Variants in EEPD1 observed in about 807,000 individuals in gnomAD.
EEPD1 encodes endonuclease/exonuclease/phosphatase family domain-containing protein 1.
In EEPD1, 17 loss-of-function variants were observed where a neutral mutation model predicts 46.3. That is an observed-to-expected ratio of 0.37 (90% CI 0.25 to 0.55). The LOEUF (loss-of-function observed/expected upper bound fraction) is 0.55. EEPD1 is among the 20% of genes least tolerant of loss of function. The pLI is 0.83. For missense variants in EEPD1, 673 were observed against 745.6 expected (o/e 0.90, Z 1.13); for synonymous variants, 313 against 315.6 (o/e 0.99, Z 0.09).
rs541906704 is a variant in EEPD1, at chr7:36,206,041, C to T, written c.879-32944C>T. Reference sequence around the variant, plus strand: ...TTCAGGCCCCAGATGACATGTAGGCCACTGCCCCATGCCAGCCAGACTGCC... The same window carrying T: ...TTCAGGCCCCAGATGACATGTAGGCTACTGCCCCATGCCAGCCAGACTGCC... On this transcript the variant is annotated intron_variant, in intron 2 of 7. Transcript: ENST00000242108. 1.6e-4 allele frequency among the ~76,000 whole-genome samples: 24 copies of T among 152,314 alleles called. No individual in the cohort carries two copies. In the South Asian group the frequency reaches 4.6e-3, roughly 29 times the overall value.
At chr7:36,249,323 A>G (rs1786694604) in intron 3 of EEPD1, among the ~76,000 whole-genome samples, 1 of 152,180 alleles carries the variant, frequency 6.6e-6, no homozygotes, top group Non-Finnish European at 1.5e-5. Context: ...AGGGCAGGTG[A>G]CATGGTGCTG....
At chr7:36,215,599 A>G (rs529734141) in intron 2 of EEPD1, among the ~76,000 whole-genome samples, 1 of 152,346 alleles carries the variant, frequency 6.6e-6, no homozygotes, top group East Asian at 1.9e-4. Flanking sequence ...AGGGATGCCC[A>G]CTTGCATTCT....
intron 2 of EEPD1, 68 bp downstream of exon 2, chr7:36,155,270 C>G (rs996172553): frequency 6.9e-7 from 1 of 1,453,462 alleles, no homozygotes; most frequent in African/African-American, 1.4e-5. Flanking sequence ...TCTATGGATG[C>G]AAATGAATGG....
intron 2 of EEPD1, among the ~76,000 whole-genome samples, chr7:36,218,874 A>C (rs1583815607): frequency 6.6e-6 from 1 of 152,254 alleles, no homozygotes; most frequent in South Asian, 2.1e-4. Context: ...GGCTGGTGGG[A>C]AGGAGAATGG....
intron 3 of EEPD1, among the ~76,000 whole-genome samples, chr7:36,257,517 G>A (rs944863112): frequency 5.3e-5 from 8 of 151,906 alleles, no homozygotes; most frequent in South Asian, 2.1e-4. Context: ...GGCTTTGTTC[G>A]TTCCTTTTCA....
intron 2 of EEPD1, among the ~76,000 whole-genome samples, chr7:36,238,024 T>A (rs528604008): frequency 1.3e-5 from 2 of 152,196 alleles, no homozygotes; most frequent in African/African-American, 2.4e-5. Context: ...CGATTATTTA[T>A]GAGTTTTCTA....
At chr7:36,204,650 C>G (rs1465132830) in intron 2 of EEPD1, among the ~76,000 whole-genome samples, 1 of 152,170 alleles carries the variant, frequency 6.6e-6, no homozygotes, top group East Asian at 1.9e-4. Context: ...AGAGTGAAGC[C>G]TGCAGGTACC....
intron 3 of EEPD1, among the ~76,000 whole-genome samples, chr7:36,269,695 A>G (rs1303075301): frequency 1.3e-5 from 2 of 152,218 alleles, no homozygotes; most frequent in African/African-American, 2.4e-5. Context: ...CAGGAGTTTA[A>G]GAGCAGCCTG....
chr7:36,171,128 G>A lies in EEPD1; in HGVS notation c.878+15926G>A, dbSNP rs534504032. On this transcript the variant is annotated intron_variant, in intron 2 of 7. Transcript: ENST00000242108. ...TGTAGAGAGGGAGCCTCATTATGCGGCCAAGGCCGGTCTTGAACTCCTGGG... is the reference window on the plus strand; with the variant it reads ...TGTAGAGAGGGAGCCTCATTATGCGACCAAGGCCGGTCTTGAACTCCTGGG... Among the ~76,000 whole-genome samples, 172 of 152,192 alleles carry A rather than the reference G, an allele frequency of 1.1e-3. 1 individual carries two copies. Among genetic ancestry groups the A allele is most frequent in the African/African-American group, 4.0e-3 (167 of 41,520 alleles).
At chr7:36,234,095 T>G (rs1213907259) in intron 2 of EEPD1, among the ~76,000 whole-genome samples, 5 of 152,040 alleles carry the variant, frequency 3.3e-5, no homozygotes, top group Admixed American at 3.3e-4. Flanking sequence ...ATTTTTGTAT[T>G]TTTAGTAGAG....
chr7:36,238,298 C>G (rs917705215), intron 2 of EEPD1, among the ~76,000 whole-genome samples: 3 of 152,198 alleles, frequency 2.0e-5, no homozygotes, highest in Admixed American at 2.0e-4. Flanking sequence ...TGACCTGAAT[C>G]TTGTGCCGAC....
At chr7:36,206,159 G>A (rs141586836) in intron 2 of EEPD1, among the ~76,000 whole-genome samples, 175 of 151,856 alleles carry the variant, frequency 1.2e-3, no homozygotes, top group African/African-American at 4.1e-3. Flanking sequence ...AACACTAGCC[G>A]AGACATAGGA....
At chr7:36,293,945 C>T (rs914340840) in intron 6 of EEPD1, among the ~76,000 whole-genome samples, 7 of 150,810 alleles carry the variant, frequency 4.6e-5, no homozygotes, top group African/African-American at 1.7e-4. Flanking sequence ...GCCTGGGCGA[C>T]AGAGTGAGAC....
intron 3 of EEPD1, 44 bp from the exon 4 acceptor site, chr7:36,281,071 T>G: frequency 6.3e-7 from 1 of 1,583,134 alleles, no homozygotes; most frequent in Non-Finnish European, 8.7e-7. Flanking sequence ...CGGGACTGCT[T>G]TAGGCGCGAA....
intron 2 of EEPD1, among the ~76,000 whole-genome samples, chr7:36,190,380 A>G (rs1253284137): frequency 1.3e-5 from 2 of 152,202 alleles, no homozygotes; most frequent in African/African-American, 4.8e-5. Flanking sequence ...TCAAACAAAC[A>G]AATATAACAC....
intron 3 of EEPD1, among the ~76,000 whole-genome samples, chr7:36,260,939 A>G (rs1786911519): frequency 6.6e-6 from 1 of 152,244 alleles, no homozygotes; most frequent in Non-Finnish European, 1.5e-5. Flanking sequence ...TTGACATTGT[A>G]TTAGGTATTA....
rs144106746 is a variant in EEPD1 at position 36,218,634 on chromosome 7, A to G, written c.879-20351A>G. On this transcript the variant is annotated intron_variant, in intron 2 of 7. Transcript: ENST00000242108. ...GGTGCAGTGTGAGATTGTGAATTGTATATTTCCAGAATTTTCCATTTAATA... is the reference window on the plus strand; with the variant it reads ...GGTGCAGTGTGAGATTGTGAATTGTGTATTTCCAGAATTTTCCATTTAATA... 9.8e-3 allele frequency among the ~76,000 whole-genome samples: 1,499 copies of G among 152,302 alleles called. 18 individuals carry two copies. Among genetic ancestry groups the G allele is most frequent in the African/African-American group, 0.034 (1,412 of 41,562 alleles).
In EEPD1 at chr7:36,299,553, TC is replaced by T; in HGVS notation, c.*348del. 1 of 310,196 alleles carries T rather than the reference TC, an allele frequency of 3.2e-6. No homozygotes were observed. The highest frequency in any genetic ancestry group is 2.1e-5 in the African/African-American group (1 of 47,152). 19.2% of individuals were successfully genotyped at this position (310,196 alleles called of 1,614,324 possible). On this transcript the variant is annotated 3_prime_UTR_variant, in exon 8 of 8. Transcript: ENST00000242108. Reference sequence around the variant, plus strand: ...GCAGAGGGAGGAGAAGAAGGGGTGCTCAGGCTGCGGGCCACAGTCCAGCAGC... The same window carrying T: ...GCAGAGGGAGGAGAAGAAGGGGTGCTAGGCTGCGGGCCACAGTCCAGCAGC...
In EEPD1 at chr7:36,216,920, A is replaced by G. The variant is rs150819667; in HGVS notation, c.879-22065A>G. Among the ~76,000 whole-genome samples, 542 of 152,362 alleles carry G rather than the reference A, an allele frequency of 3.6e-3. 4 individuals are homozygous for G. Among genetic ancestry groups the G allele is most frequent in the African/African-American group, 0.012 (509 of 41,582 alleles). The stretch of plus-strand genomic sequence containing the variant: ...TATCAAGACCTTAATGGTAATTCCT[A>G]GGTAGCAGAATTATAGCTGATGTTT... On this transcript the variant is annotated intron_variant, in intron 2 of 7. Coordinates refer to ENST00000242108, the MANE Select transcript of EEPD1 (RefSeq NM_030636.3).
Sources: allele counts gnomAD v4.1 joint callset (sites outside exome capture counted in the v4.1 genomes callset), GRCh38; gene constraint gnomAD v4.1.1; transcripts MANE v1.5; gene names NCBI Gene and HGNC (gene_info 2026-07-23, HGNC 2026-07-21).